The following AGPAT4 variants were observed in gnomAD, a reference collection of about 807,000 sequenced individuals.
AGPAT4 encodes the protein 1-acylglycerol-3-phosphate O-acyltransferase 4, also known as 1-acyl-sn-glycerol-3-phosphate acyltransferase delta.
A neutral mutation model predicts 48.0 loss-of-function variants in AGPAT4; 15 were observed. That is an observed-to-expected ratio of 0.31 (90% CI 0.21 to 0.48). The LOEUF is 0.48. AGPAT4 is among the 20% of genes least tolerant of loss of function. AGPAT4 has a pLI of 0.99. For synonymous variants in AGPAT4, 178 were observed against 198.7 expected, an observed-to-expected ratio of 0.90 and a Z score of 0.88; for missense variants, 314 against 482.5, an observed-to-expected ratio of 0.65 and a Z score of 3.27.
In AGPAT4 at chr6:161,222,123, C is replaced by A. The variant is rs1781852173; in HGVS notation, c.178+9913G>T. On this transcript the variant is annotated intron_variant, in intron 2 of 8. Transcript: ENST00000320285. This position sits in a 1 kb window ranked among gnomAD's most constrained non-coding sequence, Gnocchi z 5.9. ...GCCTGAAACACCTTCCTTGTCACCC[C>A]TGGTCTCAGGGCCTCTGCCACACCC... 6.6e-6 allele frequency among the ~76,000 whole-genome samples: 1 copy of A among 152,196 alleles called. No homozygotes were observed. The highest frequency in any genetic ancestry group is 1.5e-5 in the Non-Finnish European group (1 of 68,034).
rs1366930683 is a variant in AGPAT4, at chr6:161,143,575, G to A, written c.843+2949C>T. 6.6e-6 allele frequency among the ~76,000 whole-genome samples: 1 copy of A among 152,208 alleles called. No homozygotes were observed. Among genetic ancestry groups the A allele is most frequent in the Non-Finnish European group, 1.5e-5 (1 of 68,052 alleles). On this transcript the variant is annotated intron_variant, in intron 7 of 8. Coordinates refer to ENST00000320285, the MANE Select transcript of AGPAT4 (RefSeq NM_020133.3). This position sits in a 1 kb window ranked among gnomAD's most constrained non-coding sequence, Gnocchi z 4.7. ...AGGGGGTTCTGAGGTTGTAGGTTCA[G>A]CCTCAGAGCGAGTTTACCTGGGAAC...
In AGPAT4 at chr6:161,153,473, C is replaced by A. The variant is rs750594081; in HGVS notation, c.537G>T (p.Arg179=). Residue 179 remains arginine (R), a synonymous_variant, in exon 5 of 9, where the codon CGG becomes CGT. Coordinates refer to ENST00000320285, the MANE Select transcript of AGPAT4 (RefSeq NM_020133.3). ...YFFLIHCEGT[R]FTEKKHEISM... ...TGATCTCATGCTTCTTCTCCGTGAA[C>A]CGTGTGCCCTCACAGTGAATCAGGA... 1.9e-5 allele frequency: 31 copies of A among 1,613,710 alleles called. No homozygotes were observed. The highest frequency in any genetic ancestry group is 2.0e-5 in the Non-Finnish European group (24 of 1,179,882).
At chr6:161,260,321 C>T (rs916820534) in intron 1 of AGPAT4, among the ~76,000 whole-genome samples, 2 of 152,152 alleles carry the variant, frequency 1.3e-5, no homozygotes, top group African/African-American at 4.8e-5. Context: ...GTTGTAGAGT[C>T]CAAGACTAAC....
chr6:161,267,471 T>C lies in AGPAT4; in HGVS notation c.-90+6467A>G, dbSNP rs1783299078. Reference sequence around the variant, plus strand: ...GCTCACATCTGTAATCCTAGCACTTTGGGAGGCCACACTGGGCAGATTGCT... The same window carrying C: ...GCTCACATCTGTAATCCTAGCACTTCGGGAGGCCACACTGGGCAGATTGCT... On this transcript the variant is annotated intron_variant, in intron 1 of 8. Transcript: ENST00000320285. This position sits in a 1 kb window ranked among gnomAD's most constrained non-coding sequence, Gnocchi z 5.2. 1.3e-5 allele frequency among the ~76,000 whole-genome samples: 2 copies of C among 152,134 alleles called. No homozygotes were observed. Among genetic ancestry groups the C allele is most frequent in the South Asian group, 2.1e-4 (1 of 4,826 alleles).
Position 161,238,735 on chromosome 6 carries a change from T to C in AGPAT4, c.-89-6433A>G, listed in dbSNP as rs544116101. ...TCCACATGTCGTGGGAGGGAACCAG[T>C]GGGAGGTAACTGAATCATGGGAGTG... On this transcript the variant is annotated intron_variant, in intron 1 of 8. Transcript: ENST00000320285. The surrounding 1 kb of genome is among the most constrained non-coding windows in gnomAD (Gnocchi z 5.2). Among the ~76,000 whole-genome samples, 93 of 152,132 alleles carry C rather than the reference T, an allele frequency of 6.1e-4. No individual in the cohort carries two copies. The highest frequency in any genetic ancestry group is 1.1e-3 in the Non-Finnish European group (77 of 68,014).
chr6:161,239,458 C>T (rs764649653), intron 1 of AGPAT4, among the ~76,000 whole-genome samples: 16 of 152,118 alleles, frequency 1.1e-4, no homozygotes, highest in African/African-American at 2.7e-4. Flanking sequence ...GGATTAACTC[C>T]GCCACTAGCT....
rs2293286 is a variant in AGPAT4 at position 161,129,967 on chromosome 6, T to C, written c.*6573A>G. The C allele has an allele frequency of 0.34, 51,054 of 152,112 alleles. 12,369 individuals are homozygous for C. Among genetic ancestry groups the C allele is most frequent in the African/African-American group, 0.69 (28,476 of 41,444 alleles). The allele number at this position is 152,112 out of a possible 1,614,324, so 9.4% of individuals were successfully genotyped here. On this transcript the variant is annotated 3_prime_UTR_variant, in exon 9 of 9. Coordinates refer to ENST00000320285, the MANE Select transcript of AGPAT4 (RefSeq NM_020133.3). This position sits in a 1 kb window ranked among gnomAD's most constrained non-coding sequence, Gnocchi z 4.4. ...GGGTGAGGCAGTGTAGAGACGTGCATTTTTCCAAGTTAAAGTTTCAGTCAG... is the reference window on the plus strand; with the variant it reads ...GGGTGAGGCAGTGTAGAGACGTGCACTTTTCCAAGTTAAAGTTTCAGTCAG...
chr6:161,211,508 G>A (rs927276161), intron 2 of AGPAT4, among the ~76,000 whole-genome samples: 1 of 152,096 alleles, frequency 6.6e-6, no homozygotes, highest in Non-Finnish European at 1.5e-5. Context: ...AAAAAATCTT[G>A]TATGGTAAAT....
rs1292273557 is a variant in AGPAT4 at position 161,218,532 on chromosome 6, A to C, written c.178+13504T>G. Reference sequence around the variant, plus strand: ...TAAAAAACCAAACCCAGGTAAGTTGACTGTGTCACCAAGGTGGTTAGGCCA... The same window carrying C: ...TAAAAAACCAAACCCAGGTAAGTTGCCTGTGTCACCAAGGTGGTTAGGCCA... On this transcript the variant is annotated intron_variant, in intron 2 of 8. Coordinates refer to ENST00000320285, the MANE Select transcript of AGPAT4 (RefSeq NM_020133.3). The surrounding 1 kb of genome is among the most constrained non-coding windows in gnomAD (Gnocchi z 4.7). Among the ~76,000 whole-genome samples the C allele has an allele frequency of 6.6e-6, 1 of 152,188 alleles. No homozygotes were observed. Among genetic ancestry groups the C allele is most frequent in the Non-Finnish European group, 1.5e-5 (1 of 68,032 alleles).
intron 2 of AGPAT4, among the ~76,000 whole-genome samples, chr6:161,185,283 C>CTTTT (rs35820706): frequency 2.7e-5 from 3 of 109,280 alleles, no homozygotes; most frequent in African/African-American, 7.2e-5. Context: ...TTTAAGATGT[C>CTTTT]TTTTTTTTTT....
In AGPAT4 at chr6:161,249,942, C is replaced by A. The variant is rs1388049204; in HGVS notation, c.-89-17640G>T. Among the ~76,000 whole-genome samples the A allele has an allele frequency of 6.6e-6, 1 of 152,192 alleles. No homozygotes were observed. The highest frequency in any genetic ancestry group is 1.5e-5 in the Non-Finnish European group (1 of 68,038). ...CACAATAGCAAAGACATGAAATCAACCTCAATGCCCATCAATAGTAGACTG... is the reference window on the plus strand; with the variant it reads ...CACAATAGCAAAGACATGAAATCAAACTCAATGCCCATCAATAGTAGACTG... On this transcript the variant is annotated intron_variant, in intron 1 of 8. Transcript: ENST00000320285. This position sits in a 1 kb window ranked among gnomAD's most constrained non-coding sequence, Gnocchi z 6.2.
intron 2 of AGPAT4, among the ~76,000 whole-genome samples, chr6:161,210,379 T>C (rs1048930700): frequency 2.0e-5 from 3 of 152,182 alleles, no homozygotes; most frequent in Non-Finnish European, 4.4e-5. Flanking sequence ...AAACAGATTA[T>C]CAAGAATCTG....
At position 161,148,601 on chromosome 6, in the gene AGPAT4, T is replaced by A. The variant is rs1779504207; in HGVS notation, c.767+586A>T. On this transcript the variant is annotated intron_variant, in intron 6 of 8. Transcript: ENST00000320285. This position sits in a 1 kb window ranked among gnomAD's most constrained non-coding sequence, Gnocchi z 5.5. ...ACGGTCCCTGACCCGTCACACTGGG[T>A]TTTAATGCATGAACTGCCATTGTGT... Among the ~76,000 whole-genome samples, 1 of 152,110 alleles carries A rather than the reference T, an allele frequency of 6.6e-6. No homozygotes were observed. Among genetic ancestry groups the A allele is most frequent in the African/African-American group, 2.4e-5 (1 of 41,424 alleles).
At position 161,226,705 on chromosome 6, in the gene AGPAT4, G is replaced by A. The variant is rs1412286006; in HGVS notation, c.178+5331C>T. On this transcript the variant is annotated intron_variant, in intron 2 of 8. Coordinates refer to ENST00000320285, the MANE Select transcript of AGPAT4 (RefSeq NM_020133.3). This position sits in a 1 kb window ranked among gnomAD's most constrained non-coding sequence, Gnocchi z 6.3. ...ACACATAGAATGAAAGCAGATGATAGCACATTGATGTGGCCAGGATTCCCC... is the reference window on the plus strand; with the variant it reads ...ACACATAGAATGAAAGCAGATGATAACACATTGATGTGGCCAGGATTCCCC... Among the ~76,000 whole-genome samples, 1 of 152,214 alleles carries A rather than the reference G, an allele frequency of 6.6e-6. No individual in the cohort carries two copies. The highest frequency in any genetic ancestry group is 2.4e-5 in the African/African-American group (1 of 41,448).
chr6:161,220,654 G>A lies in AGPAT4; in HGVS notation c.178+11382C>T, dbSNP rs955313004. 1.3e-5 allele frequency among the ~76,000 whole-genome samples: 2 copies of A among 152,152 alleles called. No individual in the cohort carries two copies. Among genetic ancestry groups the A allele is most frequent in the Non-Finnish European group, 2.9e-5 (2 of 68,024 alleles). ...AATGCCCCCACCTGATTTGTGACGG[G>A]TGTCCCTCTCCTATTGCCCTTCTGC... On this transcript the variant is annotated intron_variant, in intron 2 of 8. Coordinates refer to ENST00000320285, the MANE Select transcript of AGPAT4 (RefSeq NM_020133.3). This position sits in a 1 kb window ranked among gnomAD's most constrained non-coding sequence, Gnocchi z 6.0.
chr6:161,199,015 A>G (rs946518330), intron 2 of AGPAT4, among the ~76,000 whole-genome samples: 1 of 152,116 alleles, frequency 6.6e-6, no homozygotes, highest in Admixed American at 6.5e-5. Flanking sequence ...CAGATTACGT[A>G]TACTAATTCT....
At position 161,219,916 on chromosome 6, in the gene AGPAT4, C is replaced by CAGGCAGGCGGCA. The variant is rs770490075; in HGVS notation, c.178+12119_178+12120insTGCCGCCTGCCT. ...GCAGGCAGGCAGGCAGGCAGGCAGGCGGCAGGCAGGCAGGCAGGCAGGCAG... is the reference window on the plus strand; with the variant it reads ...GCAGGCAGGCAGGCAGGCAGGCAGGCAGGCAGGCGGCAGGCAGGCAGGCAGGCAGGCAGGCAG... On this transcript the variant is annotated intron_variant, in intron 2 of 8. Coordinates refer to ENST00000320285, the MANE Select transcript of AGPAT4 (RefSeq NM_020133.3). This position sits in a 1 kb window ranked among gnomAD's most constrained non-coding sequence, Gnocchi z 4.9. Among the ~76,000 whole-genome samples, 699 of 105,938 alleles carry CAGGCAGGCGGCA rather than the reference C, an allele frequency of 6.6e-3. 3 individuals carry two copies. Among genetic ancestry groups the CAGGCAGGCGGCA allele is most frequent in the East Asian group, 0.011 (39 of 3,596 alleles). 69.5% of individuals were successfully genotyped at this position (105,938 alleles called of 152,430 possible).
intron 2 of AGPAT4, among the ~76,000 whole-genome samples, chr6:161,181,124 G>T (rs1780574601): frequency 2.0e-5 from 3 of 152,118 alleles, no homozygotes. Context: ...TACTAGCACG[G>T]AATAAACAGA....
At chr6:161,268,662 T>C (rs1783335538) in intron 1 of AGPAT4, among the ~76,000 whole-genome samples, 1 of 152,216 alleles carries the variant, frequency 6.6e-6, no homozygotes, top group East Asian at 1.9e-4. Flanking sequence ...TAGGAACAGC[T>C]TCATGCTGAT....
Sources: allele counts gnomAD v4.1 joint callset (sites outside exome capture counted in the v4.1 genomes callset), GRCh38; gene constraint gnomAD v4.1.1; non-coding constraint Gnocchi (gnomAD v3.1); transcripts MANE v1.5; gene names NCBI Gene and HGNC (gene_info 2026-07-23, HGNC 2026-07-21).